Variants in ZNF865 observed in about 807,000 individuals in gnomAD.
The protein encoded by ZNF865 is zinc finger protein 865.
For missense variants in ZNF865, 1,311 were observed against 1,593.4 expected (o/e 0.82, Z 3.02); for synonymous variants, 763 against 750.8 (o/e 1.02, Z -0.27).
At chr19:55,613,524 C>T (rs954565298) in intron 1 of ZNF865, 69 bp from the exon 2 acceptor site, 1 of 1,335,108 alleles carries the variant, frequency 7.5e-7, no homozygotes, top group Non-Finnish European at 9.9e-7. Flanking sequence ...AGTGGGCGCA[C>T]AGCTCCATTC....
chr19:55,612,595 G>C (rs886296871), intron 1 of ZNF865: 1 of 152,338 alleles, frequency 6.6e-6, no homozygotes, highest in African/African-American at 2.4e-5. Context: ...TTCACCTCCC[G>C]GGCTCAAGCA....
At position 55,614,731 on chromosome 19, in the gene ZNF865, C is replaced by T. The variant is rs1185563193; in HGVS notation, c.1113C>T (p.Ile371=). 2.5e-6 allele frequency: 4 copies of T among 1,587,404 alleles called. No homozygotes were observed. In the South Asian group the frequency reaches 3.4e-5, roughly 13 times the overall value. The part of the protein sequence containing the change: ...KPSHLHQHQI[I]HTGEKPFSCS... ...GTCACCTCCACCAGCACCAGATCATCCACACGGGCGAGAAGCCCTTCTCCT... is the reference window on the plus strand; with the variant it reads ...GTCACCTCCACCAGCACCAGATCATTCACACGGGCGAGAAGCCCTTCTCCT... Residue 371 remains isoleucine, a synonymous_variant, in exon 2 of 2, where the codon ATC becomes ATT. Coordinates refer to ENST00000568956, the MANE Select transcript of ZNF865 (RefSeq NM_001195605.2). This position sits in a 1 kb window ranked among gnomAD's most constrained non-coding sequence, Gnocchi z 8.0.
At chr19:55,610,495 A>G (rs1003049222) in intron 1 of ZNF865, among the ~76,000 whole-genome samples, 3 of 152,190 alleles carry the variant, frequency 2.0e-5, no homozygotes, top group African/African-American at 7.2e-5. Flanking sequence ...TCCTAACCTC[A>G]GGTGATCCTC....
Position 55,615,015 on chromosome 19 carries a change from C to A in ZNF865, c.1397C>A (p.Pro466His). The change falls in exon 2 of 2, where the codon CCC becomes CAC. Residue 466 changes from proline (P) to histidine (H), a missense_variant. Coordinates refer to ENST00000568956, the MANE Select transcript of ZNF865 (RefSeq NM_001195605.2). ...LLRHKAAHAP[P>H]AAAAEAPKDG... is the part of the protein sequence containing the mutation. ...CGCCACAAGGCCGCCCACGCCCCGC[C>A]CGCTGCCGCTGCGGAGGCGCCCAAG... 1 of 1,345,418 alleles carries A rather than the reference C, an allele frequency of 7.4e-7. No individual in the cohort carries two copies. Among genetic ancestry groups the A allele is most frequent in the East Asian group, 3.3e-5 (1 of 29,888 alleles). 83.3% of individuals were successfully genotyped at this position (1,345,418 alleles called of 1,614,324 possible).
intron 1 of ZNF865, chr19:55,612,788 G>C (rs1471058200): frequency 2.0e-5 from 3 of 152,426 alleles, no homozygotes; most frequent in East Asian, 3.9e-4. Context: ...GTGGTCCCCA[G>C]GTGTAGATGA....
In ZNF865 at chr19:55,615,043, C is replaced by A; in HGVS notation, c.1425C>A (p.Asp475Glu). ...CTGCCGCTGCGGAGGCGCCCAAGGACGGGGCGGCCTCGGCCCCGCAGCCCC... is the reference window on the plus strand; with the variant it reads ...CTGCCGCTGCGGAGGCGCCCAAGGAAGGGGCGGCCTCGGCCCCGCAGCCCC... Reference protein sequence around the residue: ...PPAAAAEAPKDGAASAPQPPP... With the variant: ...PPAAAAEAPKEGAASAPQPPP... Residue 475 changes from aspartate to glutamate, a missense_variant, in exon 2 of 2, where the codon GAC (aspartate) becomes GAA (glutamate). Asp to Glu is a conservative substitution (Grantham distance 45). Coordinates refer to ENST00000568956, the MANE Select transcript of ZNF865 (RefSeq NM_001195605.2). 2.3e-6 allele frequency: 3 copies of A among 1,277,714 alleles called. No individual in the cohort carries two copies. The highest frequency in any genetic ancestry group is 4.1e-5 in the South Asian group (2 of 49,150). 79.1% of individuals were successfully genotyped at this position (1,277,714 alleles called of 1,614,324 possible).
At position 55,613,781 on chromosome 19, in the gene ZNF865, G is replaced by A. The variant is rs749906543; in HGVS notation, c.163G>A (p.Val55Met). ...MELYGEHAKAVAALPCAPGPP... is the reference protein window; with the variant it reads ...MELYGEHAKAMAALPCAPGPP... Reference sequence around the variant, plus strand: ...ACTGTATGGGGAACACGCCAAGGCGGTGGCGGCCCTGCCCTGCGCCCCCGG... The same window carrying A: ...ACTGTATGGGGAACACGCCAAGGCGATGGCGGCCCTGCCCTGCGCCCCCGG... Residue 55 changes from valine to methionine, a missense_variant, in exon 2 of 2, where the codon GTG (valine) becomes ATG (methionine). Val to Met is a conservative substitution (Grantham distance 21). Transcript: ENST00000568956. 13 of 1,533,338 alleles carry A rather than the reference G, an allele frequency of 8.5e-6. No homozygotes were observed. The highest frequency in any genetic ancestry group is 4.8e-5 in the South Asian group (4 of 83,930). The allele number at this position is 1,533,338 out of a possible 1,614,324, so 95.0% of individuals were successfully genotyped here. A position where few individuals can be genotyped will look rare whatever the true frequency, so the allele number is the denominator to read the frequency against.
Position 55,615,736 on chromosome 19 carries a change from C to T in ZNF865, c.2118C>T (p.Phe706=), listed in dbSNP as rs367582367. ...PYGCDACGKT[F]GFIENLMWHK... ...GCTGCGACGCCTGCGGCAAGACCTT[C>T]GGCTTCATCGAGAACCTCATGTGGC... The change falls in exon 2 of 2, where the codon TTC becomes TTT. Residue 706 remains phenylalanine, a synonymous_variant. Coordinates refer to ENST00000568956, the MANE Select transcript of ZNF865 (RefSeq NM_001195605.2). 235 of 1,533,626 alleles carry T rather than the reference C, an allele frequency of 1.5e-4. 1 individual carries two copies. The African/African-American group carries it at 2.0e-3, about 13-fold the overall frequency.
At chr19:55,606,557 C>A (rs530413910) in intron 1 of ZNF865, among the ~76,000 whole-genome samples, 3 of 152,342 alleles carry the variant, frequency 2.0e-5, no homozygotes, top group Non-Finnish European at 4.4e-5. Flanking sequence ...GGCGGTGAAG[C>A]CTTCCTTCCC....
intron 1 of ZNF865, chr19:55,612,526 A>T (rs529088946): frequency 6.6e-6 from 1 of 152,322 alleles, no homozygotes; most frequent in East Asian, 1.9e-4. Flanking sequence ...TTTAGAGCCA[A>T]GGTCTTGCTC....
intron 1 of ZNF865, among the ~76,000 whole-genome samples, chr19:55,610,378 A>G (rs770389188): frequency 1.3e-4 from 20 of 152,322 alleles, no homozygotes; most frequent in Middle Eastern, 3.4e-3. Flanking sequence ...CTCCTGCCTC[A>G]GCCTCCCAAG....
In ZNF865 at chr19:55,617,016, A is replaced by G; in HGVS notation, c.*218A>G. On this transcript the variant is annotated 3_prime_UTR_variant, in exon 2 of 2. Coordinates refer to ENST00000568956, the MANE Select transcript of ZNF865 (RefSeq NM_001195605.2). ...CTCATCCCATCAGACACTGAACCCT[A>G]TCCTCCGTCCAACCCTCGTTTGTGA... 1 of 447,376 alleles carries G rather than the reference A, an allele frequency of 2.2e-6. No individual in the cohort carries two copies. Among genetic ancestry groups the G allele is most frequent in the Non-Finnish European group, 3.8e-6 (1 of 260,644 alleles). 27.7% of individuals were successfully genotyped at this position (447,376 alleles called of 1,614,324 possible). A position where few individuals can be genotyped will look rare whatever the true frequency, so the allele number is the denominator to read the frequency against.
chr19:55,616,895 A>G lies in ZNF865; in HGVS notation c.*97A>G, dbSNP rs558686477. 38 of 1,306,284 alleles carry G rather than the reference A, an allele frequency of 2.9e-5. No homozygotes were observed. In the East Asian group the frequency reaches 5.6e-4, roughly 19 times the overall value. The allele number at this position is 1,306,284 out of a possible 1,614,324, so 80.9% of individuals were successfully genotyped here. The stretch of plus-strand genomic sequence containing the variant: ...CTTCCCCCCTCCTCGCTGTTGCCCC[A>G]TCCTTCAGAACTTCACACGGACTGG... On this transcript the variant is annotated 3_prime_UTR_variant, in exon 2 of 2. Coordinates refer to ENST00000568956, the MANE Select transcript of ZNF865 (RefSeq NM_001195605.2).
In ZNF865 at chr19:55,614,319, A is replaced by G; in HGVS notation, c.701A>G (p.Lys234Arg). 1.3e-6 allele frequency: 2 copies of G among 1,504,938 alleles called. No individual in the cohort carries two copies. The highest frequency in any genetic ancestry group is 5.4e-5 in the East Asian group (2 of 37,350). 93.2% of individuals were successfully genotyped at this position (1,504,938 alleles called of 1,614,324 possible). Residue 234 changes from lysine to arginine, a missense_variant, in exon 2 of 2, where the codon AAG becomes AGG. Lys to Arg is a conservative substitution (Grantham distance 26, BLOSUM62 2). Coordinates refer to ENST00000568956, the MANE Select transcript of ZNF865 (RefSeq NM_001195605.2). This position sits in a 1 kb window ranked among gnomAD's most constrained non-coding sequence, Gnocchi z 8.0. Reference sequence around the variant, plus strand: ...TGCGGCGTGTGCCAGAAGTCCTTCAAGCAGTCCTCGCACCTGGTCCAGCAC... The same window carrying G: ...TGCGGCGTGTGCCAGAAGTCCTTCAGGCAGTCCTCGCACCTGGTCCAGCAC... ...FPCGVCQKSF[K>R]QSSHLVQHML... is the part of the protein sequence containing the mutation.
intron 1 of ZNF865, among the ~76,000 whole-genome samples, chr19:55,609,007 AAT>A (rs1355992993): frequency 6.6e-6 from 1 of 152,120 alleles, no homozygotes; most frequent in Non-Finnish European, 1.5e-5. Flanking sequence ...ACTAGTTAAC[AAT>A]GTGACTTTAG....
rs1202718231 is a variant in ZNF865, at chr19:55,616,672, C to T, written c.3054C>T (p.Arg1018=). The change falls in exon 2 of 2, where the codon CGC becomes CGT. Residue 1018 remains arginine (R), a synonymous_variant. Coordinates refer to ENST00000568956, the MANE Select transcript of ZNF865 (RefSeq NM_001195605.2). The part of the protein sequence containing the change: ...LAAHQGGRPF[R]CSSCGEGFAN... The stretch of plus-strand genomic sequence containing the variant: ...CCCACCAGGGCGGCCGGCCCTTCCG[C>T]TGCTCCTCCTGCGGCGAGGGCTTCG... 1 of 1,530,422 alleles carries T rather than the reference C, an allele frequency of 6.5e-7. No homozygotes were observed. The highest frequency in any genetic ancestry group is 1.2e-5 in the South Asian group (1 of 83,530). 94.8% of individuals were successfully genotyped at this position (1,530,422 alleles called of 1,614,324 possible).
At chr19:55,612,153 ATG>A (rs545336582) in intron 1 of ZNF865, among the ~76,000 whole-genome samples, 53 of 152,276 alleles carry the variant, frequency 3.5e-4, no homozygotes, top group African/African-American at 1.2e-3. Flanking sequence ...CTGCTGATGC[ATG>A]TGTTTCATTA....
rs1204279080 is a variant in ZNF865 at position 55,615,510 on chromosome 19, A to C, written c.1892A>C (p.Gln631Pro). 1 of 1,509,856 alleles carries C rather than the reference A, an allele frequency of 6.6e-7. No homozygotes were observed. The highest frequency in any genetic ancestry group is 2.1e-5 in the Admixed American group (1 of 47,050). The allele number at this position is 1,509,856 out of a possible 1,614,324, so 93.5% of individuals were successfully genotyped here. ...CGCCACCGCCAGGTGCACCGGCTCC[A>C]GCTGCCCTGCGCCCTGGCCGGGGCA... is the stretch of plus-strand genomic sequence containing the variant. Reference protein sequence around the residue: ...LTRHRQVHRLQLPCALAGAAG... With the variant: ...LTRHRQVHRLPLPCALAGAAG... Residue 631 changes from glutamine (Q) to proline (P), a missense_variant, in exon 2 of 2, where the codon CAG becomes CCG. Physicochemically the swap from Gln to Pro is moderately conservative, Grantham distance 76. Transcript: ENST00000568956.
In ZNF865 at chr19:55,613,968, C is replaced by T; in HGVS notation, c.350C>T (p.Ser117Phe). Reference sequence around the variant, plus strand: ...TCGTCATCTTCGTCCTCTTCCTCTTCCCAAGCCAAGAAGCCCGATCCGCCC... The same window carrying T: ...TCGTCATCTTCGTCCTCTTCCTCTTTCCAAGCCAAGAAGCCCGATCCGCCC... ...SSSSSSSSSSSQAKKPDPPLP... is the reference protein window; with the variant it reads ...SSSSSSSSSSFQAKKPDPPLP... The change falls in exon 2 of 2, where the codon TCC becomes TTC. Residue 117 changes from serine to phenylalanine, a missense_variant. Ser to Phe is a radical substitution (Grantham distance 155). Transcript: ENST00000568956. 6.5e-7 allele frequency: 1 copy of T among 1,530,290 alleles called. No homozygotes were observed. The allele number at this position is 1,530,290 out of a possible 1,614,324, so 94.8% of individuals were successfully genotyped here. A position where few individuals can be genotyped will look rare whatever the true frequency, so the allele number is the denominator to read the frequency against.
Sources: gnomAD v4.1 joint callset for allele counts (sites outside exome capture counted in the v4.1 genomes callset) on GRCh38, gnomAD v4.1.1 for gene constraint, Gnocchi (gnomAD v3.1) non-coding constraint, MANE v1.5 for transcripts, NCBI Gene and HGNC (gene_info 2026-07-23, HGNC 2026-07-21) for gene names.